VTCN1: variants seen among roughly 807,000 people sequenced by gnomAD.
The protein encoded by VTCN1 is V-set domain containing T cell activation inhibitor 1, also known as V-set domain-containing T-cell activation inhibitor 1.
VTCN1 carries 26 observed loss-of-function variants against 26.5 expected under a neutral mutation model. That is an observed-to-expected ratio of 0.98 (90% CI 0.72 to 1.36). VTCN1 has a LOEUF of 1.36. Among genes scored for constraint, VTCN1 ranks in the 40% most tolerant of loss-of-function variants. The pLI, the probability that VTCN1 is intolerant of heterozygous loss-of-function variation, is 0.00. For missense variants in VTCN1, 298 were observed against 337.7 expected (o/e 0.88, Z 0.92); for synonymous variants, 116 against 130.7 (o/e 0.89, Z 0.77).
chr1:117,181,493 T>G (rs1170121217), intron 1 of VTCN1, among the ~76,000 whole-genome samples: 1 of 152,238 alleles, frequency 6.6e-6, no homozygotes, highest in East Asian at 1.9e-4. Flanking sequence ...CCAGTTGCTC[T>G]CTGCTTAGAA....
chr1:117,174,243 T>C (rs774500516), intron 1 of VTCN1, among the ~76,000 whole-genome samples: 3 of 152,236 alleles, frequency 2.0e-5, no homozygotes, highest in Non-Finnish European at 4.4e-5. Context: ...TGGTACCCAC[T>C]CATTACAAAA....
At chr1:117,172,689 T>C (rs1203479455) in intron 1 of VTCN1, among the ~76,000 whole-genome samples, 1 of 152,140 alleles carries the variant, frequency 6.6e-6, no homozygotes, top group Non-Finnish European at 1.5e-5. Flanking sequence ...TACCTCAGAG[T>C]GTGCCTTTAC....
chr1:117,175,773 C>T lies in VTCN1; in HGVS notation c.33-5602G>A, dbSNP rs6428684. Among the ~76,000 whole-genome samples, 17,268 of 38,090 alleles carry T rather than the reference C, an allele frequency of 0.45. 3,920 individuals are homozygous for T. Among genetic ancestry groups the T allele is most frequent in the African/African-American group, 0.66 (14,928 of 22,738 alleles). 25.0% of individuals were successfully genotyped at this position (38,090 alleles called of 152,430 possible). ...GATACCTATCTCTCTCTCTCTCTCT[C>T]TTTTTTTTTTTTTTTGAGATGGAGT... On this transcript the variant is annotated intron_variant, in intron 1 of 5. Transcript: ENST00000369458. This position sits in a 1 kb window ranked among gnomAD's most constrained non-coding sequence, Gnocchi z 4.2.
chr1:117,192,749 T>A (rs1275327367), intron 1 of VTCN1, among the ~76,000 whole-genome samples: 1 of 151,614 alleles, frequency 6.6e-6, no homozygotes, highest in Non-Finnish European at 1.5e-5. Flanking sequence ...TCAGGATAAC[T>A]CAAAAAAAAT....
At chr1:117,153,642 T>C (rs1440345862) in intron 3 of VTCN1, among the ~76,000 whole-genome samples, 1 of 152,050 alleles carries the variant, frequency 6.6e-6, no homozygotes, top group East Asian at 1.9e-4. Flanking sequence ...ATGGTTACAA[T>C]AGAAAATTTT....
chr1:117,190,465 A>G (rs1648188975), intron 1 of VTCN1, among the ~76,000 whole-genome samples: 1 of 152,112 alleles, frequency 6.6e-6, no homozygotes, highest in Non-Finnish European at 1.5e-5. Flanking sequence ...CCTGCTTACT[A>G]ACTCAGCAGG....
rs573084705 is a variant in VTCN1 at position 117,205,136 on chromosome 1, A to G, written c.32+5688T>C. On this transcript the variant is annotated intron_variant, in intron 1 of 5. Transcript: ENST00000369458. ...GTATATGTATATATACATGTCATAT[A>G]TATATTTTTATATATATATATAGAG... Among the ~76,000 whole-genome samples the G allele has an allele frequency of 8.1e-3, 576 of 70,690 alleles. 4 individuals are homozygous for G. Among genetic ancestry groups the G allele is most frequent in the African/African-American group, 0.02 (548 of 26,960 alleles). The allele number at this position is 70,690 out of a possible 152,430, so 46.4% of individuals were successfully genotyped here.
intron 2 of VTCN1, among the ~76,000 whole-genome samples, chr1:117,158,436 T>C (rs1652200901): frequency 6.6e-6 from 1 of 152,166 alleles, no homozygotes; most frequent in Admixed American, 6.5e-5. Flanking sequence ...GTTTGCACCC[T>C]CTGAAGCCAT....
At chr1:117,168,012 AC>A (rs1049225075) in intron 2 of VTCN1, among the ~76,000 whole-genome samples, 6 of 152,238 alleles carry the variant, frequency 3.9e-5, no homozygotes, top group African/African-American at 1.4e-4. Flanking sequence ...GAGAAAAAAA[AC>A]CGAAATTATG....
chr1:117,187,897 G>C (rs918531025), intron 1 of VTCN1, among the ~76,000 whole-genome samples: 2 of 151,890 alleles, frequency 1.3e-5, no homozygotes, highest in Non-Finnish European at 2.9e-5. Context: ...CTAAAAAAAG[G>C]GGGGATCTTT....
intron 4 of VTCN1, among the ~76,000 whole-genome samples, chr1:117,148,619 CATTTAAAAACA>C (rs1346581485): frequency 3.3e-5 from 5 of 152,132 alleles, no homozygotes; most frequent in Admixed American, 6.5e-5. Context: ...CTAGATATGT[CATTTAAAAACA>C]TAATTATTCA....
At chr1:117,177,982 A>G (rs1225945837) in intron 1 of VTCN1, among the ~76,000 whole-genome samples, 1 of 136,556 alleles carries the variant, frequency 7.3e-6, no homozygotes, top group Non-Finnish European at 1.5e-5. Flanking sequence ...TTTGTTGCCC[A>G]TGCTGGAGTG....
chr1:117,158,958 C>G (rs112661553), intron 2 of VTCN1, among the ~76,000 whole-genome samples: 69 of 152,322 alleles, frequency 4.5e-4, no homozygotes, highest in African/African-American at 1.6e-3. Flanking sequence ...TACTCCAGTT[C>G]TCAGCAGGTT....
Position 117,156,619 on chromosome 1 carries a change from T to A in VTCN1, c.400A>T (p.Thr134Ser). ...TTAGCATTCCCCTTGCCTTTAGAAG[T>A]GATGATATAACATTTGTAGGTGCCA... ...DAGTYKCYII[T>S]SKGKGNANLE... Residue 134 changes from threonine to serine, a missense_variant, in exon 3 of 6, where the codon ACT becomes TCT. Coordinates refer to ENST00000369458, the MANE Select transcript of VTCN1 (RefSeq NM_024626.4). 6.2e-7 allele frequency: 1 copy of A among 1,612,724 alleles called. No individual in the cohort carries two copies. Among genetic ancestry groups the A allele is most frequent in the East Asian group, 2.2e-5 (1 of 44,884 alleles).
intron 1 of VTCN1, among the ~76,000 whole-genome samples, chr1:117,174,621 G>C (rs530118258): frequency 2.2e-4 from 34 of 152,298 alleles, no homozygotes; most frequent in African/African-American, 7.9e-4. Context: ...ACAAAAATTA[G>C]CTGGGCGTGG....
intron 1 of VTCN1, among the ~76,000 whole-genome samples, chr1:117,177,106 C>A (rs1470897389): frequency 4.6e-5 from 7 of 150,904 alleles, no homozygotes; most frequent in African/African-American, 1.7e-4. Flanking sequence ...TTCAAAAAAA[C>A]CAAAAAAACA....
intron 1 of VTCN1, among the ~76,000 whole-genome samples, chr1:117,173,497 C>T (rs1653037996): frequency 6.6e-6 from 1 of 152,202 alleles, no homozygotes; most frequent in African/African-American, 2.4e-5. Context: ...TCTTTCACTG[C>T]TCTCACAGGT....
rs1222068676 is a variant in VTCN1 at position 117,183,694 on chromosome 1, A to G, written c.33-13523T>C. Among the ~76,000 whole-genome samples, 1 of 152,214 alleles carries G rather than the reference A, an allele frequency of 6.6e-6. No homozygotes were observed. Among genetic ancestry groups the G allele is most frequent in the South Asian group, 2.1e-4 (1 of 4,830 alleles). ...AGTGTTTCTCTAAAAGAGAAAGGAC[A>G]TTGTAGGGAATGAAGAGTTAAATTT... On this transcript the variant is annotated intron_variant, in intron 1 of 5. Coordinates refer to ENST00000369458, the MANE Select transcript of VTCN1 (RefSeq NM_024626.4). This position sits in a 1 kb window ranked among gnomAD's most constrained non-coding sequence, Gnocchi z 4.1.
intron 2 of VTCN1, among the ~76,000 whole-genome samples, chr1:117,164,821 C>A (rs898700049): frequency 6.6e-6 from 1 of 152,204 alleles, no homozygotes; most frequent in Admixed American, 6.5e-5. Context: ...CTCCTTCCTT[C>A]TCGAAGGCTT....
Sources: gnomAD v4.1 joint callset for allele counts (sites outside exome capture counted in the v4.1 genomes callset) on GRCh38, gnomAD v4.1.1 for gene constraint, Gnocchi (gnomAD v3.1) non-coding constraint, MANE v1.5 for transcripts, NCBI Gene and HGNC (gene_info 2026-07-23, HGNC 2026-07-21) for gene names.